The following FOXK1 variants were observed in gnomAD, a reference collection of about 807,000 sequenced individuals.
The protein encoded by FOXK1 is forkhead box protein K1.
A neutral mutation model predicts 51.9 loss-of-function variants in FOXK1; 19 were observed. The ratio of observed to expected loss-of-function variants is 0.37; its 90% CI spans 0.26 to 0.54. The LOEUF is 0.54. Ranked by LOEUF, FOXK1 falls within the 20% of genes least tolerant of loss-of-function variation. FOXK1 has a pLI of 0.87. For missense variants in FOXK1, 870 were observed against 1,032.7 expected, an observed-to-expected ratio of 0.84 and a Z score of 2.16; for synonymous variants, 537 against 482.6, an observed-to-expected ratio of 1.11 and a Z score of -1.48.
chr7:4,722,386 A>C lies in FOXK1; in HGVS notation c.561-18452A>C, dbSNP rs1780326092. On this transcript the variant is annotated intron_variant, in intron 1 of 8. Transcript: ENST00000328914. The surrounding 1 kb of genome is among the most constrained non-coding windows in gnomAD (Gnocchi z 5.1). ...GGTCGTTCGTATTTCCTAGGCTTAAAACCCATTCTCCTGTGAAGAGGCCTT... is the reference window on the plus strand; with the variant it reads ...GGTCGTTCGTATTTCCTAGGCTTAACACCCATTCTCCTGTGAAGAGGCCTT... Among the ~76,000 whole-genome samples, 1 of 152,168 alleles carries C rather than the reference A, an allele frequency of 6.6e-6. No individual in the cohort carries two copies. Among genetic ancestry groups the C allele is most frequent in the Admixed American group, 6.6e-5 (1 of 15,264 alleles).
At chr7:4,741,050 G>A in intron 2 of FOXK1, 27 bp downstream of exon 2, 1 of 1,466,024 alleles carries the variant, frequency 6.8e-7, no homozygotes, top group Non-Finnish European at 9.0e-7. Context: ...CCTGCCCTTG[G>A]GCCCCCAGGA....
rs6953470 is a variant in FOXK1 at position 4,762,587 on chromosome 7, C to A, written c.*123C>A. 4.2e-6 allele frequency: 4 copies of A among 950,716 alleles called. No homozygotes were observed. Among genetic ancestry groups the A allele is most frequent in the Admixed American group, 2.8e-5 (1 of 35,506 alleles). The allele number at this position is 950,716 out of a possible 1,614,324, so 58.9% of individuals were successfully genotyped here. A position where few individuals can be genotyped will look rare whatever the true frequency, so the allele number is the denominator to read the frequency against. ...GCCCGCGGCGGCCTGTGGGCATCGG[C>A]GGCACCTGGACACACCCAGCCCTTT... On this transcript the variant is annotated 3_prime_UTR_variant, in exon 9 of 9. Transcript: ENST00000328914. This position sits in a 1 kb window ranked among gnomAD's most constrained non-coding sequence, Gnocchi z 5.7.
chr7:4,694,557 C>T (rs367613056), intron 1 of FOXK1, among the ~76,000 whole-genome samples: 21 of 152,338 alleles, frequency 1.4e-4, no homozygotes, highest in African/African-American at 4.8e-4. Flanking sequence ...TCCTCCCAGC[C>T]CCGCCCACAG....
intron 2 of FOXK1, among the ~76,000 whole-genome samples, chr7:4,751,641 T>C (rs149920842): frequency 7.9e-5 from 12 of 152,312 alleles, no homozygotes; most frequent in Middle Eastern, 3.4e-3. Context: ...GAGGCCCGCC[T>C]GCGGAGGACA....
chr7:4,693,536 A>C (rs1779918669), intron 1 of FOXK1, among the ~76,000 whole-genome samples: 1 of 152,134 alleles, frequency 6.6e-6, no homozygotes, highest in African/African-American at 2.4e-5. Flanking sequence ...GGGTGGCACG[A>C]TTCATCCTGT....
At chr7:4,691,544 C>A (rs924839276) in intron 1 of FOXK1, among the ~76,000 whole-genome samples, 1 of 152,044 alleles carries the variant, frequency 6.6e-6, no homozygotes, top group Non-Finnish European at 1.5e-5. Context: ...CTGTGTCGGC[C>A]AGGCTGGTCT....
chr7:4,694,774 C>T (rs945375885), intron 1 of FOXK1, among the ~76,000 whole-genome samples: 2 of 152,168 alleles, frequency 1.3e-5, no homozygotes, highest in South Asian at 2.1e-4. Flanking sequence ...AGCTGCAGGG[C>T]GCCTGTCAGC....
At position 4,703,963 on chromosome 7, in the gene FOXK1, G is replaced by C. The variant is rs965932875; in HGVS notation, c.560+21095G>C. Among the ~76,000 whole-genome samples the C allele has an allele frequency of 6.6e-6, 1 of 152,080 alleles. No individual in the cohort carries two copies. The highest frequency in any genetic ancestry group is 6.5e-5 in the Admixed American group (1 of 15,268). On this transcript the variant is annotated intron_variant, in intron 1 of 8. Transcript: ENST00000328914. The surrounding 1 kb of genome is among the most constrained non-coding windows in gnomAD (Gnocchi z 5.6). ...CTGGTGGGAAAAAATGCGTGTATAC[G>C]TACCCCTACGTGTGGAAAACTGGCT...
Position 4,734,447 on chromosome 7 carries a change from C to A in FOXK1, c.561-6391C>A, listed in dbSNP as rs893602334. Among the ~76,000 whole-genome samples the A allele has an allele frequency of 1.3e-5, 2 of 152,216 alleles. No homozygotes were observed. Among genetic ancestry groups the A allele is most frequent in the African/African-American group, 4.8e-5 (2 of 41,460 alleles). ...AGATGCTCTGTGGCTTCCACCACTCCCCAGATCGTCTGCTTCCTCCTTGCC... is the reference window on the plus strand; with the variant it reads ...AGATGCTCTGTGGCTTCCACCACTCACCAGATCGTCTGCTTCCTCCTTGCC... On this transcript the variant is annotated intron_variant, in intron 1 of 8. Transcript: ENST00000328914. This position sits in a 1 kb window ranked among gnomAD's most constrained non-coding sequence, Gnocchi z 5.2.
At position 4,710,960 on chromosome 7, in the gene FOXK1, C is replaced by T. The variant is rs377414083; in HGVS notation, c.560+28092C>T. Among the ~76,000 whole-genome samples the T allele has an allele frequency of 1.3e-4, 20 of 152,280 alleles. No individual in the cohort carries two copies. The East Asian group carries it at 3.5e-3, about 26-fold the overall frequency. ...AGATGTGTCTGTCCGCATTACCTGTCGACACCGTCCTAGCCACTGGGTTCT... is the reference window on the plus strand; with the variant it reads ...AGATGTGTCTGTCCGCATTACCTGTTGACACCGTCCTAGCCACTGGGTTCT... On this transcript the variant is annotated intron_variant, in intron 1 of 8. Transcript: ENST00000328914.
chr7:4,713,816 TTTTTCTTTTTTTC>T (rs917773657), intron 1 of FOXK1, among the ~76,000 whole-genome samples: 2 of 151,302 alleles, frequency 1.3e-5, no homozygotes, highest in Non-Finnish European at 2.9e-5. Flanking sequence ...GTTTTTTCTT[TTTTTCTTTTTTTC>T]TTTTCTTTTT....
intron 2 of FOXK1, among the ~76,000 whole-genome samples, chr7:4,750,667 C>G (rs945655237): frequency 6.6e-6 from 1 of 151,722 alleles, no homozygotes; most frequent in Admixed American, 6.6e-5. Context: ...CCAGGATGGT[C>G]TCGATCTCCT....
Position 4,755,047 on chromosome 7 carries a change from A to T in FOXK1, c.904-190A>T. ...TAATAAAACCGAAGTTTTCCTTCCC[A>T]TGAGGCAAAAATGGTTGTTCCTAGT... On this transcript the variant is annotated intron_variant, in intron 3 of 8. Transcript: ENST00000328914. The surrounding 1 kb of genome is among the most constrained non-coding windows in gnomAD (Gnocchi z 6.6). 1 of 658,862 alleles carries T rather than the reference A, an allele frequency of 1.5e-6. No homozygotes were observed. The highest frequency in any genetic ancestry group is 2.2e-5 in the South Asian group (1 of 46,406). 40.8% of individuals were successfully genotyped at this position (658,862 alleles called of 1,614,324 possible).
chr7:4,686,514 G>T (rs564445369), intron 1 of FOXK1, among the ~76,000 whole-genome samples: 2 of 152,286 alleles, frequency 1.3e-5, no homozygotes, highest in South Asian at 4.1e-4. Flanking sequence ...TAAGCATCTC[G>T]CCAGAGCTCC....
chr7:4,719,386 C>T (rs914765557), intron 1 of FOXK1, among the ~76,000 whole-genome samples: 17 of 152,268 alleles, frequency 1.1e-4, no homozygotes, highest in South Asian at 4.1e-4. Flanking sequence ...ATGATCCTCC[C>T]GCCTCTGCCT....
intron 1 of FOXK1, among the ~76,000 whole-genome samples, chr7:4,688,934 T>C (rs1454746574): frequency 6.6e-6 from 1 of 152,052 alleles, no homozygotes; most frequent in African/African-American, 2.4e-5. Flanking sequence ...ATTAGCAGCT[T>C]TTGGTGGTCA....
chr7:4,696,444 C>G (rs1380472488), intron 1 of FOXK1, among the ~76,000 whole-genome samples: 2 of 152,194 alleles, frequency 1.3e-5, no homozygotes, highest in Admixed American at 1.3e-4. Flanking sequence ...CGTGACATGT[C>G]TGTCGTCTAC....
Position 4,753,403 on chromosome 7 carries a change from A to T in FOXK1, c.747-1056A>T, listed in dbSNP as rs922918013. Among the ~76,000 whole-genome samples, 1 of 151,546 alleles carries T rather than the reference A, an allele frequency of 6.6e-6. No homozygotes were observed. The highest frequency in any genetic ancestry group is 1.5e-5 in the Non-Finnish European group (1 of 67,880). On this transcript the variant is annotated intron_variant, in intron 2 of 8. Transcript: ENST00000328914. This position sits in a 1 kb window ranked among gnomAD's most constrained non-coding sequence, Gnocchi z 4.9. The stretch of plus-strand genomic sequence containing the variant: ...GGGAGGAGGAGAATGGACCTTCTGG[A>T]TGGTTCTGGATGGTTCTGGGTGGTT...
chr7:4,762,088 T>G lies in FOXK1; in HGVS notation c.1922-96T>G, dbSNP rs1006444890. On this transcript the variant is annotated intron_variant, in intron 8 of 8. Coordinates refer to ENST00000328914, the MANE Select transcript of FOXK1 (RefSeq NM_001037165.2). This position sits in a 1 kb window ranked among gnomAD's most constrained non-coding sequence, Gnocchi z 5.7. ...TGGCAGGGGTGCACTGACCTCCGGT[T>G]CCGGCTTGGTGGCTTAGCCCCTGTA... 30 of 1,415,138 alleles carry G rather than the reference T, an allele frequency of 2.1e-5. No individual in the cohort carries two copies. Among genetic ancestry groups the G allele is most frequent in the Non-Finnish European group, 2.8e-5 (30 of 1,053,468 alleles). 87.7% of individuals were successfully genotyped at this position (1,415,138 alleles called of 1,614,324 possible). A position where few individuals can be genotyped will look rare whatever the true frequency, so the allele number is the denominator to read the frequency against.
Sources: allele counts gnomAD v4.1 joint callset (sites outside exome capture counted in the v4.1 genomes callset), GRCh38; gene constraint gnomAD v4.1.1; non-coding constraint Gnocchi (gnomAD v3.1); transcripts MANE v1.5; gene names NCBI Gene and HGNC (gene_info 2026-07-23, HGNC 2026-07-21).